Variants in GUCD1 observed in about 807,000 individuals in gnomAD.
GUCD1 encodes protein GUCD1.
Under a neutral mutation model 28.3 loss-of-function variants are expected in GUCD1, and 17 were observed. The ratio of observed to expected loss-of-function variants is 0.60; its 90% CI spans 0.41 to 0.90. The LOEUF is 0.90. Among genes scored for constraint, GUCD1 ranks in the 40% least tolerant of loss-of-function variants. GUCD1 has a pLI of 0.00. For missense variants in GUCD1, 279 were observed against 305.5 expected (o/e 0.91, Z 0.65); for synonymous variants, 129 against 123.3 (o/e 1.05, Z -0.30).
chr22:24,544,096 G>A lies in GUCD1; in HGVS notation c.387-13C>T, dbSNP rs753352745. 3 of 1,602,800 alleles carry A rather than the reference G, an allele frequency of 1.9e-6. No individual in the cohort carries two copies. The highest frequency in any genetic ancestry group is 1.1e-5 in the South Asian group (1 of 90,702). On this transcript the variant is annotated splice_polypyrimidine_tract_variant and intron_variant, in intron 4 of 5. Coordinates refer to ENST00000435822, the MANE Select transcript of GUCD1 (RefSeq NM_001284254.2). The stretch of plus-strand genomic sequence containing the variant: ...CACACTCACTGTGCTGTGGGCGGGA[G>A]GGGGGTCAGCTGGTGCTGCTGGGCC...
At position 24,554,999 on chromosome 22, in the gene GUCD1, G is replaced by A; in HGVS notation, c.-8C>T. ...CTCCGCCTCCGTCCTCATGACCCGG[G>A]CGGCGCGGGGCGCCCATGGCCCCGG... is the stretch of plus-strand genomic sequence containing the variant. On this transcript the variant is annotated 5_prime_UTR_variant, in exon 1 of 6. Coordinates refer to ENST00000435822, the MANE Select transcript of GUCD1 (RefSeq NM_001284254.2). 6.6e-7 allele frequency: 1 copy of A among 1,511,730 alleles called. No homozygotes were observed. The highest frequency in any genetic ancestry group is 1.3e-5 in the South Asian group (1 of 79,528). 93.6% of individuals were successfully genotyped at this position (1,511,730 alleles called of 1,614,324 possible).
At chr22:24,547,534 A>G (rs1385224670) in intron 3 of GUCD1, 1 of 218,460 alleles carries the variant, frequency 4.6e-6, no homozygotes, top group African/African-American at 2.3e-5. Context: ...GTGAAAAGTA[A>G]AAAAATGTGC....
intron 5 of GUCD1, 145 bp from the exon 6 acceptor site, chr22:24,543,242 A>G: frequency 7.7e-6 from 5 of 646,398 alleles, no homozygotes; most frequent in Non-Finnish European, 1.4e-5. Context: ...CACCCCCAGG[A>G]AGCCCTCCTT....
chr22:24,547,634 C>G, intron 3 of GUCD1: 2 of 428,496 alleles, frequency 4.7e-6, no homozygotes, highest in Non-Finnish European at 8.6e-6. Flanking sequence ...AGGAAGTGGC[C>G]TCTGCACATT....
chr22:24,547,061 T>C, intron 3 of GUCD1, 56 bp from the exon 4 acceptor site: 1 of 1,330,386 alleles, frequency 7.5e-7, no homozygotes, highest in Non-Finnish European at 1.1e-6. Context: ...TTCACTCCAT[T>C]TAGATGAAGG....
At chr22:24,549,377 TGA>T (rs147934888) in intron 1 of GUCD1, among the ~76,000 whole-genome samples, 2,493 of 152,270 alleles carry the variant, frequency 0.016, 66 homozygotes, top group African/African-American at 0.057. Context: ...CCCAGGTGCC[TGA>T]GCTAACTCCT....
rs1318965198 is a variant in GUCD1 at position 24,555,037 on chromosome 22, T to A, written c.-46A>T. ...CCCATGGCCCCGGCCCAGAGCGGGC[T>A]ACAGCTTCCGCTTCGGCTGGGGCGG... On this transcript the variant is annotated 5_prime_UTR_variant, in exon 1 of 6. Coordinates refer to ENST00000435822, the MANE Select transcript of GUCD1 (RefSeq NM_001284254.2). 1.4e-6 allele frequency: 2 copies of A among 1,401,628 alleles called. No homozygotes were observed. Among genetic ancestry groups the A allele is most frequent in the Non-Finnish European group, 1.9e-6 (2 of 1,075,860 alleles). The allele number at this position is 1,401,628 out of a possible 1,614,324, so 86.8% of individuals were successfully genotyped here.
chr22:24,543,921 G>A lies in GUCD1; in HGVS notation c.549C>T (p.Tyr183=). ...GHHCFCRTPD[Y]QGHFIVLRGY... is the part of the protein sequence containing the mutation. ...CACGCAGCACGATGAAGTGGCCCTG[G>A]TAGTCAGGAGTGCGGCAGAAGCAGT... The change falls in exon 5 of 6, where the codon TAC becomes TAT. Residue 183 remains tyrosine (Y), a synonymous_variant. Transcript: ENST00000435822. 1 of 1,614,076 alleles carries A rather than the reference G, an allele frequency of 6.2e-7. No individual in the cohort carries two copies. The highest frequency in any genetic ancestry group is 1.1e-5 in the South Asian group (1 of 91,078).
In GUCD1 at chr22:24,543,078, G is replaced by C. The variant is rs144393289; in HGVS notation, c.648C>G (p.Ile216Met). ...TGGTTCTGGCCTCCTCAAAGTTACT[G>C]ATGCTGGTGCTGCACATTCCTGCTG... ...AYADRMCSTSISNFEEARTSY... is the reference protein window; with the variant it reads ...AYADRMCSTSMSNFEEARTSY... Residue 216 changes from isoleucine (I) to methionine (M), a missense_variant, in exon 6 of 6, where the codon ATC (isoleucine) becomes ATG (methionine). Coordinates refer to ENST00000435822, the MANE Select transcript of GUCD1 (RefSeq NM_001284254.2). 5.3e-5 allele frequency: 85 copies of C among 1,613,828 alleles called. No individual in the cohort carries two copies. Among genetic ancestry groups the C allele is most frequent in the Non-Finnish European group, 6.8e-5 (80 of 1,179,842 alleles).
At chr22:24,544,878 G>A (rs1192140203) in intron 4 of GUCD1, among the ~76,000 whole-genome samples, 5 of 152,120 alleles carry the variant, frequency 3.3e-5, no homozygotes, top group African/African-American at 1.2e-4. Context: ...CCAGGCGTGG[G>A]GCGTGGTGGT....
Position 24,542,800 on chromosome 22 carries a change from T to C in GUCD1, c.*206A>G. The C allele has an allele frequency of 1.9e-6, 1 of 531,376 alleles. No homozygotes were observed. The highest frequency in any genetic ancestry group is 3.4e-6 in the Non-Finnish European group (1 of 292,488). 32.9% of individuals were successfully genotyped at this position (531,376 alleles called of 1,614,324 possible). ...TATGCTTCCAGCAGCCAGCAGGTGC[T>C]TGGGGTGAGTGACATGACAACACAC... is the stretch of plus-strand genomic sequence containing the variant. On this transcript the variant is annotated 3_prime_UTR_variant, in exon 6 of 6. Transcript: ENST00000435822.
chr22:24,553,633 G>T (rs2044941662), intron 1 of GUCD1, among the ~76,000 whole-genome samples: 1 of 152,230 alleles, frequency 6.6e-6, no homozygotes, highest in Non-Finnish European at 1.5e-5. Flanking sequence ...GGCTTGGGCT[G>T]TGACACTGAC....
rs1227022999 is a variant in GUCD1 at position 24,543,017 on chromosome 22, A to G, written c.709T>C (p.Leu237=). The G allele has an allele frequency of 1.9e-6, 3 of 1,612,968 alleles. No individual in the cohort carries two copies. The highest frequency in any genetic ancestry group is 2.5e-6 in the Non-Finnish European group (3 of 1,178,946). ...CCAGGCTCCTGCTGTCAGCTGTCCA[A>G]GTAGACAAAGAGGATGTCCTCATCT... The part of the protein sequence containing the change: ...GTDEDILFVY[L]DS Residue 237 remains leucine (L), a synonymous_variant, in exon 6 of 6, where the codon TTG becomes CTG. Transcript: ENST00000435822.
chr22:24,544,332 G>A (rs993202901), intron 4 of GUCD1, among the ~76,000 whole-genome samples: 4 of 151,992 alleles, frequency 2.6e-5, no homozygotes, highest in African/African-American at 7.3e-5. Flanking sequence ...GGCCCTTCAC[G>A]GGGAGAGCAT....
Position 24,542,825 on chromosome 22 carries a change from C to T in GUCD1, c.*181G>A, listed in dbSNP as rs368760175. On this transcript the variant is annotated 3_prime_UTR_variant, in exon 6 of 6. Transcript: ENST00000435822. ...TTGGGGTGAGTGACATGACAACACA[C>T]GGCACTGGCAGACAAAGCAGCTGTG... 1,371 of 573,062 alleles carry T rather than the reference C, an allele frequency of 2.4e-3. 20 individuals are homozygous for T. The South Asian group carries it at 0.026, about 11-fold the overall frequency. The allele number at this position is 573,062 out of a possible 1,614,324, so 35.5% of individuals were successfully genotyped here. A position where few individuals can be genotyped will look rare whatever the true frequency, so the allele number is the denominator to read the frequency against.
rs763255706 is a variant in GUCD1 at position 24,540,698 on chromosome 22, AGT to A, written c.*2306_*2307del. 5.3e-5 allele frequency: 8 copies of A among 152,142 alleles called. No individual in the cohort carries two copies. Among genetic ancestry groups the A allele is most frequent in the Non-Finnish European group, 1.2e-4 (8 of 68,066 alleles). 9.4% of individuals were successfully genotyped at this position (152,142 alleles called of 1,614,324 possible). A position where few individuals can be genotyped will look rare whatever the true frequency, so the allele number is the denominator to read the frequency against. On this transcript the variant is annotated 3_prime_UTR_variant, in exon 6 of 6. Coordinates refer to ENST00000435822, the MANE Select transcript of GUCD1 (RefSeq NM_001284254.2). Reference sequence around the variant, plus strand: ...CATGACTTGTGCAAGAATGCAACACAGTGTGTCTTACATCCTGCCTCTGTGAC... The same window carrying A: ...CATGACTTGTGCAAGAATGCAACACAGTGTCTTACATCCTGCCTCTGTGAC...
intron 5 of GUCD1, among the ~76,000 whole-genome samples, chr22:24,543,510 T>C (rs1304325887): frequency 6.6e-6 from 1 of 152,058 alleles, no homozygotes; most frequent in Non-Finnish European, 1.5e-5. Context: ...TTCTGAGGAA[T>C]GTGCCGGCCA....
At position 24,546,943 on chromosome 22, in the gene GUCD1, T is replaced by C. The variant is rs372347096; in HGVS notation, c.357A>G (p.Ala119=). 6 of 1,613,976 alleles carry C rather than the reference T, an allele frequency of 3.7e-6. No individual in the cohort carries two copies. In the African/African-American group the frequency reaches 6.7e-5, roughly 18 times the overall value. Residue 119 remains alanine, a synonymous_variant, in exon 4 of 6, where the codon GCA becomes GCG. Coordinates refer to ENST00000435822, the MANE Select transcript of GUCD1 (RefSeq NM_001284254.2). ...ETRVNQLFAQ[A]KACKVLVEKC... is the part of the protein sequence containing the mutation. ...TCTCCACCAGCACCTTGCAGGCCTT[T>C]GCTTGTGCAAACAGCTGATTCACCC...
rs1037753117 is a variant in GUCD1, at chr22:24,554,315, C to G, written c.43+634G>C. 2.0e-5 allele frequency among the ~76,000 whole-genome samples: 3 copies of G among 152,214 alleles called. No individual in the cohort carries two copies. In the East Asian group the frequency reaches 5.8e-4, roughly 29 times the overall value. ...TCCACACAGCAGACACAAAAGGGAA[C>G]ACTCCCTGGGAGTGACACCTGAAGG... is the stretch of plus-strand genomic sequence containing the variant. On this transcript the variant is annotated intron_variant, in intron 1 of 5. Coordinates refer to ENST00000435822, the MANE Select transcript of GUCD1 (RefSeq NM_001284254.2).
Sources: allele counts gnomAD v4.1 joint callset (sites outside exome capture counted in the v4.1 genomes callset), GRCh38; gene constraint gnomAD v4.1.1; transcripts MANE v1.5; gene names NCBI Gene and HGNC (gene_info 2026-07-23, HGNC 2026-07-21).